Variants in IL1RAPL1 observed in about 807,000 individuals in gnomAD.
The protein encoded by IL1RAPL1 is interleukin-1 receptor accessory protein-like 1.
In IL1RAPL1, 3 loss-of-function variants were observed where a neutral mutation model predicts 48.4. That is an observed-to-expected ratio of 0.06 (90% confidence interval 0.03 to 0.16). The LOEUF is 0.16. IL1RAPL1 is among the 10% of genes least tolerant of loss of function. IL1RAPL1 has a pLI of 1.00. For synonymous variants in IL1RAPL1, 185 were observed against 187.7 expected (o/e 0.99, Z 0.12); for missense variants, 349 against 530.6 (o/e 0.66, Z 3.36).
intron 5 of IL1RAPL1, among the ~76,000 whole-genome samples, chrX:29,459,845 G>A (rs774296868): frequency 1.5e-3 from 169 of 111,829 alleles, no homozygotes; most frequent in African/African-American, 5.2e-3. Context: ...GTGTTGTACA[G>A]TATGTCTCTT....
intron 9 of IL1RAPL1, among the ~76,000 whole-genome samples, chrX:29,953,186 T>C (rs1348532668): frequency 8.9e-6 from 1 of 111,886 alleles, no homozygotes; most frequent in Non-Finnish European, 1.9e-5. Context: ...AGTGTTTCAA[T>C]TTAACTTGAT....
At chrX:29,352,215 A>T (rs552313086) in intron 3 of IL1RAPL1, among the ~76,000 whole-genome samples, 7 of 111,076 alleles carry the variant, frequency 6.3e-5, no homozygotes, top group African/African-American at 2.0e-4. Context: ...CTGCTCTTTC[A>T]TATGATTCTT....
rs761051146 is a variant in IL1RAPL1, at chrX:29,252,197, A to G, written c.83-30741A>G. 5.3e-5 allele frequency among the ~76,000 whole-genome samples: 6 copies of G among 112,533 alleles called. No individual in the cohort carries two copies. In the South Asian group the frequency reaches 1.7e-3, roughly 32 times the overall value. ...GAGTTAGTGGGTGCAGCACACCAGC[A>G]TGGCACATGTATACATATGTAACTA... On this transcript the variant is annotated intron_variant, in intron 2 of 10. Coordinates refer to ENST00000378993, the MANE Select transcript of IL1RAPL1 (RefSeq NM_014271.4).
intron 2 of IL1RAPL1, among the ~76,000 whole-genome samples, chrX:29,206,268 G>C (rs1426523548): frequency 9.0e-6 from 1 of 110,736 alleles, no homozygotes; most frequent in East Asian, 2.8e-4. Context: ...AATTTAAAAT[G>C]TGTCATATTT....
At chrX:29,779,098 ATTTG>A (rs1364174140) in intron 6 of IL1RAPL1, among the ~76,000 whole-genome samples, 1 of 112,018 alleles carries the variant, frequency 8.9e-6, no homozygotes. Context: ...ACTGTAAACT[ATTTG>A]TTTGAAAACA....
chrX:28,753,535 A>C (rs1052475166), intron 1 of IL1RAPL1, among the ~76,000 whole-genome samples: 1 of 112,413 alleles, frequency 8.9e-6, no homozygotes, highest in African/African-American at 3.2e-5. Flanking sequence ...CTGATTTTTA[A>C]TAATGCATCG....
chrX:29,080,410 C>CA (rs1458859797), intron 2 of IL1RAPL1, among the ~76,000 whole-genome samples: 1 of 109,673 alleles, frequency 9.1e-6, no homozygotes, highest in South Asian at 3.9e-4. Context: ...AAAATAAAAA[C>CA]AAAAAAATAA....
intron 5 of IL1RAPL1, among the ~76,000 whole-genome samples, chrX:29,410,039 C>G (rs974623852): frequency 9.1e-6 from 1 of 110,424 alleles, no homozygotes; most frequent in Non-Finnish European, 1.9e-5. Flanking sequence ...TCAGGCTGGT[C>G]TCGAACTCCC....
chrX:29,595,510 G>A (rs142573999), intron 5 of IL1RAPL1, among the ~76,000 whole-genome samples: 58 of 111,702 alleles, frequency 5.2e-4, no homozygotes, highest in African/African-American at 1.6e-3. Context: ...GCATTTTTCC[G>A]TATGCTTGTT....
intron 6 of IL1RAPL1, among the ~76,000 whole-genome samples, chrX:29,717,642 G>A (rs1319481774): frequency 8.9e-6 from 1 of 112,258 alleles, no homozygotes; most frequent in Non-Finnish European, 1.9e-5. Flanking sequence ...TTGTAAATAC[G>A]TTTCTATTGG....
At chrX:28,928,214 G>A (rs1343821936) in intron 2 of IL1RAPL1, among the ~76,000 whole-genome samples, 5 of 110,977 alleles carry the variant, frequency 4.5e-5, no homozygotes, top group Non-Finnish European at 1.9e-5. Context: ...AGTGAATCTT[G>A]TCTCCTGTAC....
chrX:28,616,503 G>T (rs1037252418), intron 1 of IL1RAPL1, among the ~76,000 whole-genome samples: 2 of 108,839 alleles, frequency 1.8e-5, no homozygotes, highest in African/African-American at 3.4e-5. Flanking sequence ...GCACGATCTC[G>T]GCTCACTGCA....
At chrX:29,124,192 C>T (rs1037762741) in intron 2 of IL1RAPL1, among the ~76,000 whole-genome samples, 1 of 111,969 alleles carries the variant, frequency 8.9e-6, no homozygotes, top group African/African-American at 3.2e-5. Flanking sequence ...CAAAATTCCT[C>T]ATTTAATGCT....
chrX:29,332,095 C>CTTTTGTTTTTTTTT (rs1932890154), intron 3 of IL1RAPL1, among the ~76,000 whole-genome samples: 1 of 27,889 alleles, frequency 3.6e-5, no homozygotes, highest in Non-Finnish European at 6.6e-5. Context: ...ATTCTAAGGT[C>CTTTTGTTTTTTTTT]TTTTTTTTTT....
At chrX:28,633,101 A>G (rs896412671) in intron 1 of IL1RAPL1, among the ~76,000 whole-genome samples, 9 of 110,505 alleles carry the variant, frequency 8.1e-5, no homozygotes, top group African/African-American at 2.6e-4. Context: ...GTTGGCCAGA[A>G]TGGTCTCGAA....
At chrX:28,727,359 G>A (rs2146944279) in intron 1 of IL1RAPL1, among the ~76,000 whole-genome samples, 1 of 106,289 alleles carries the variant, frequency 9.4e-6, no homozygotes, top group Non-Finnish European at 1.9e-5. Flanking sequence ...GTATAAGAAT[G>A]CTTGTGATTT....
chrX:29,724,370 A>G (rs1363527867), intron 6 of IL1RAPL1, among the ~76,000 whole-genome samples: 1 of 111,753 alleles, frequency 8.9e-6, no homozygotes, highest in Non-Finnish European at 1.9e-5. Context: ...TAGCACTCTA[A>G]TTAGACTTTT....
intron 6 of IL1RAPL1, among the ~76,000 whole-genome samples, chrX:29,898,667 C>T (rs888285704): frequency 9.2e-6 from 1 of 109,141 alleles, no homozygotes; most frequent in Admixed American, 1.0e-4. Context: ...AGATAGAATA[C>T]GAATAGTGTG....
chrX:29,337,429 T>C (rs1933011258), intron 3 of IL1RAPL1, among the ~76,000 whole-genome samples: 1 of 111,536 alleles, frequency 9.0e-6, no homozygotes, highest in African/African-American at 3.3e-5. Context: ...TATTCTCAAC[T>C]TTAAATGAAA....
Sources: allele counts gnomAD v4.1 joint callset (sites outside exome capture counted in the v4.1 genomes callset), GRCh38; gene constraint gnomAD v4.1.1; transcripts MANE v1.5; gene names NCBI Gene and HGNC (gene_info 2026-07-23, HGNC 2026-07-21).